Variants in NAV2 observed in about 807,000 individuals in gnomAD.
The protein encoded by NAV2 is neuron navigator 2.
In NAV2, 54 loss-of-function variants were observed where a neutral mutation model predicts 223.2. The ratio of observed to expected loss-of-function variants is 0.24; its 90% CI spans 0.19 to 0.30. The LOEUF is 0.30. NAV2 is among the 10% of genes least tolerant of loss of function. The pLI is 1.00. For synonymous variants in NAV2, 1,279 were observed against 1,239.3 expected (o/e 1.03, Z -0.67); for missense variants, 2,806 against 3,147.5 (o/e 0.89, Z 2.60).
intron 1 of NAV2, among the ~76,000 whole-genome samples, chr11:19,443,708 G>A (rs552077623): frequency 2.6e-5 from 4 of 152,160 alleles, no homozygotes; most frequent in Non-Finnish European, 5.9e-5. Context: ...TAAGACATCT[G>A]GCTTGGAATT....
intron 1 of NAV2, among the ~76,000 whole-genome samples, chr11:19,749,191 T>C (rs1180546398): frequency 6.6e-6 from 1 of 152,250 alleles, no homozygotes; most frequent in Admixed American, 6.5e-5. Flanking sequence ...TGTTGATAAC[T>C]GTTTATAGAC....
At chr11:19,994,574 A>G (rs971040334) in intron 11 of NAV2, among the ~76,000 whole-genome samples, 18 of 151,562 alleles carry the variant, frequency 1.2e-4, no homozygotes, top group Admixed American at 9.8e-4. Flanking sequence ...AAAAAAGAGT[A>G]AAAAAAGAAA....
chr11:20,074,760 C>CCTTTTTTTTTTTTTTTTTTTTTTTTTTT lies in NAV2; in HGVS notation c.4984-2792_4984-2791insCTTTTTTTTTTTTTTTTTTTTTTTTTTT, dbSNP rs56895607. ...ATTGGAGACTAGGATTGCAACTCTG[C>CCTTTTTTTTTTTTTTTTTTTTTTTTTTT]TTTTTTTTTTTTTTTTGCTTTCCAT... is the stretch of plus-strand genomic sequence containing the variant. On this transcript the variant is annotated intron_variant, in intron 22 of 37. Transcript: ENST00000349880. Among the ~76,000 whole-genome samples, 178 of 110,214 alleles carry CCTTTTTTTTTTTTTTTTTTTTTTTTTTT rather than the reference C, an allele frequency of 1.6e-3. 37 individuals are homozygous for CCTTTTTTTTTTTTTTTTTTTTTTTTTTT. The highest frequency in any genetic ancestry group is 2.8e-3 in the African/African-American group (72 of 25,996). The allele number at this position is 110,214 out of a possible 152,430, so 72.3% of individuals were successfully genotyped here.
At chr11:19,423,135 A>T (rs1289653888) in intron 1 of NAV2, among the ~76,000 whole-genome samples, 2 of 152,232 alleles carry the variant, frequency 1.3e-5, no homozygotes, top group Non-Finnish European at 2.9e-5. Context: ...AAAAGATGGG[A>T]TATAGGCAAC....
At chr11:19,736,684 A>C (rs528619435) in intron 1 of NAV2, among the ~76,000 whole-genome samples, 1 of 152,310 alleles carries the variant, frequency 6.6e-6, no homozygotes, top group African/African-American at 2.4e-5. Context: ...TAAAAGGCAA[A>C]CCCAGGATTT....
At chr11:19,604,318 T>C (rs539755811) in intron 1 of NAV2, among the ~76,000 whole-genome samples, 3 of 152,118 alleles carry the variant, frequency 2.0e-5, no homozygotes, top group African/African-American at 7.2e-5. Context: ...GCATCGGTGG[T>C]GTGTTTAAAC....
chr11:19,479,714 A>G (rs1022242974), intron 1 of NAV2, among the ~76,000 whole-genome samples: 1 of 152,216 alleles, frequency 6.6e-6, no homozygotes, highest in Non-Finnish European at 1.5e-5. Context: ...TTTGTTGAGC[A>G]CCTACAATGT....
chr11:19,619,884 A>G (rs904986547), intron 1 of NAV2, among the ~76,000 whole-genome samples: 2 of 152,176 alleles, frequency 1.3e-5, no homozygotes, highest in African/African-American at 4.8e-5. Context: ...TAGGGTTTTT[A>G]TGGTTTTAGG....
chr11:19,451,574 C>T (rs796575316), intron 1 of NAV2, among the ~76,000 whole-genome samples: 5 of 152,170 alleles, frequency 3.3e-5, no homozygotes, highest in African/African-American at 1.2e-4. Context: ...AAACCAAGTT[C>T]GCAAATACTA....
chr11:19,445,161 A>G (rs1279842899), intron 1 of NAV2, among the ~76,000 whole-genome samples: 1 of 152,242 alleles, frequency 6.6e-6, no homozygotes, highest in Non-Finnish European at 1.5e-5. Flanking sequence ...CATGGTGCAC[A>G]GGTGCAAAAC....
intron 11 of NAV2, among the ~76,000 whole-genome samples, chr11:20,029,271 C>T (rs550255965): frequency 4.6e-4 from 70 of 152,336 alleles, no homozygotes; most frequent in African/African-American, 1.6e-3. Context: ...TGTGTCTTGT[C>T]TGAACCCTCA....
At chr11:19,894,242 G>A (rs567862375) in intron 6 of NAV2, among the ~76,000 whole-genome samples, 32 of 152,280 alleles carry the variant, frequency 2.1e-4, no homozygotes, top group African/African-American at 6.0e-4. Context: ...CAGGCACTTC[G>A]GTTTCAGAAC....
At chr11:19,897,222 G>A (rs1276627581) in intron 6 of NAV2, among the ~76,000 whole-genome samples, 4 of 152,016 alleles carry the variant, frequency 2.6e-5, no homozygotes, top group Non-Finnish European at 2.9e-5. Context: ...ATCACACACC[G>A]GGGCCTGTTG....
intron 1 of NAV2, among the ~76,000 whole-genome samples, chr11:19,485,763 G>A (rs1467321937): frequency 5.3e-5 from 8 of 152,164 alleles, no homozygotes; most frequent in Admixed American, 2.6e-4. Flanking sequence ...GAGACCAAGA[G>A]CTAGTGTGGG....
At chr11:19,863,502 C>T (rs1202774572) in intron 3 of NAV2, among the ~76,000 whole-genome samples, 1 of 152,156 alleles carries the variant, frequency 6.6e-6, no homozygotes, top group Non-Finnish European at 1.5e-5. Context: ...CTTCAGTAAA[C>T]AAATATTCTT....
intron 1 of NAV2, among the ~76,000 whole-genome samples, chr11:19,557,562 G>C (rs2044939257): frequency 6.6e-6 from 1 of 152,220 alleles, no homozygotes; most frequent in Non-Finnish European, 1.5e-5. Context: ...GTTGCCACAA[G>C]TCTGCTGATG....
chr11:19,904,088 AT>A (rs941419689), intron 6 of NAV2, among the ~76,000 whole-genome samples: 1 of 152,174 alleles, frequency 6.6e-6, no homozygotes, highest in African/African-American at 2.4e-5. Context: ...GCACTAGTTG[AT>A]TTTTGCTGCA....
chr11:19,540,258 T>C (rs570578480), intron 1 of NAV2, among the ~76,000 whole-genome samples: 45 of 152,176 alleles, frequency 3.0e-4, no homozygotes, highest in African/African-American at 1.0e-3. Context: ...GCCGTCAAGG[T>C]CTTCTAGCTC....
intron 1 of NAV2, chr11:19,502,849 A>G (rs995009415): frequency 5.3e-5 from 8 of 152,192 alleles, no homozygotes; most frequent in Non-Finnish European, 2.9e-5. Flanking sequence ...GCTCCCAGAG[A>G]CAGTATTTCA....
Sources: gnomAD v4.1 joint callset for allele counts (sites outside exome capture counted in the v4.1 genomes callset) on GRCh38, gnomAD v4.1.1 for gene constraint, MANE v1.5 for transcripts, NCBI Gene and HGNC (gene_info 2026-07-23, HGNC 2026-07-21) for gene names.